Variants in PDE1C observed in about 807,000 individuals in gnomAD.
PDE1C encodes the protein phosphodiesterase 1C.
Under a neutral mutation model 93.1 loss-of-function variants are expected in PDE1C, and 62 were observed. The ratio of observed to expected loss-of-function variants is 0.67; its 90% CI spans 0.54 to 0.82. PDE1C has a LOEUF of 0.82. PDE1C is among the 40% of genes least tolerant of loss of function. The pLI, the probability that PDE1C is intolerant of heterozygous loss-of-function variation, is 0.00. For synonymous variants in PDE1C, 325 were observed against 310.1 expected (o/e 1.05, Z -0.50); for missense variants, 742 against 884.6 (o/e 0.84, Z 2.04).
intron 1 of PDE1C, among the ~76,000 whole-genome samples, chr7:32,332,418 A>G (rs745925643): frequency 3.7e-4 from 56 of 152,258 alleles, no homozygotes; most frequent in African/African-American, 1.3e-3. Context: ...TAACCCTCTC[A>G]TACATTATTT....
chr7:32,346,139 A>T (rs907138302), intron 1 of PDE1C, among the ~76,000 whole-genome samples: 2 of 152,246 alleles, frequency 1.3e-5, no homozygotes, highest in Non-Finnish European at 2.9e-5. Flanking sequence ...GGCCAACTTC[A>T]TGGCACACAA....
chr7:31,949,664 T>C (rs1435730619), intron 2 of PDE1C, among the ~76,000 whole-genome samples: 2 of 152,150 alleles, frequency 1.3e-5, no homozygotes, highest in African/African-American at 2.4e-5. Context: ...CAGAAATAGA[T>C]TGAATTAGAT....
intron 1 of PDE1C, among the ~76,000 whole-genome samples, chr7:32,062,901 A>AAT (rs1794974286): frequency 6.6e-6 from 1 of 152,130 alleles, no homozygotes; most frequent in African/African-American, 2.4e-5. Context: ...ATTACCTAAA[A>AAT]TGATCAATTT....
At chr7:31,978,635 C>A (rs979245901) in intron 2 of PDE1C, among the ~76,000 whole-genome samples, 2 of 152,178 alleles carry the variant, frequency 1.3e-5, no homozygotes, top group African/African-American at 4.8e-5. Flanking sequence ...CCAAGACCTT[C>A]ACAGCAACCT....
chr7:31,967,150 A>G (rs1810124973), intron 2 of PDE1C, among the ~76,000 whole-genome samples: 1 of 152,232 alleles, frequency 6.6e-6, no homozygotes. Flanking sequence ...AAAACCCTTC[A>G]AAAAATCAAT....
chr7:31,721,032 T>G, the PDE1C span, among the ~76,000 whole-genome samples: 34 of 152,314 alleles, frequency 2.2e-4, no homozygotes, highest in African/African-American at 7.9e-4. Flanking sequence ...CATGATTGTA[T>G]GTGTGTATGA....
At chr7:31,766,401 T>C (rs1047386042) in intron 17 of PDE1C, among the ~76,000 whole-genome samples, 1 of 151,958 alleles carries the variant, frequency 6.6e-6, no homozygotes, top group African/African-American at 2.4e-5. Flanking sequence ...AAAAAATCTT[T>C]AATATAAAAT....
At position 32,143,464 on chromosome 7, in the gene PDE1C, G is replaced by A. The variant is rs115950824; in HGVS notation, c.308+26321C>T. ...TATGCAGGACGCAGTGTCACTGACCGTGACTTTACGTGACTCAGATGGAAT... is the reference window on the plus strand; with the variant it reads ...TATGCAGGACGCAGTGTCACTGACCATGACTTTACGTGACTCAGATGGAAT... On this transcript the variant is annotated intron_variant, in intron 3 of 18. Coordinates refer to the PDE1C transcript ENST00000396193. 5.7e-3 allele frequency among the ~76,000 whole-genome samples: 863 copies of A among 152,070 alleles called. 7 individuals are homozygous for A. Among genetic ancestry groups the A allele is most frequent in the African/African-American group, 0.019 (781 of 41,498 alleles).
chr7:32,209,224 C>T (rs1415275906), intron 2 of PDE1C, among the ~76,000 whole-genome samples: 1 of 152,114 alleles, frequency 6.6e-6, no homozygotes, highest in South Asian at 2.1e-4. Flanking sequence ...CAGGTGATGT[C>T]GATTCTGCTG....
chr7:31,973,944 TTTTG>T (rs1407269515), intron 2 of PDE1C, among the ~76,000 whole-genome samples: 2 of 152,190 alleles, frequency 1.3e-5, no homozygotes, highest in Non-Finnish European at 1.5e-5. Flanking sequence ...TTCCAGATGT[TTTTG>T]TTTATTTTTG....
At chr7:32,184,463 T>C (rs1381675173) in intron 2 of PDE1C, among the ~76,000 whole-genome samples, 1 of 152,184 alleles carries the variant, frequency 6.6e-6, no homozygotes, top group Non-Finnish European at 1.5e-5. Context: ...TGGAATACTA[T>C]GCAGCCATAA....
At chr7:31,781,797 C>A (rs1783435000) in intron 16 of PDE1C, among the ~76,000 whole-genome samples, 1 of 150,970 alleles carries the variant, frequency 6.6e-6, no homozygotes, top group African/African-American at 2.4e-5. Flanking sequence ...AATACAACCA[C>A]CATCAATACT....
Position 32,025,974 on chromosome 7 carries a change from C to G in PDE1C, c.128+25580G>C, listed in dbSNP as rs545124132. 3.2e-4 allele frequency among the ~76,000 whole-genome samples: 48 copies of G among 152,230 alleles called. No homozygotes were observed. In the Middle Eastern group the frequency reaches 0.01, roughly 32 times the overall value. On this transcript the variant is annotated intron_variant, in intron 2 of 17. Transcript: ENST00000396191. ...TGCTCTGCTAATGAGGCCCCTCTAC[C>G]TGACAGCTGGTTACACAAGCTGCTA...
the PDE1C span, among the ~76,000 whole-genome samples, chr7:31,694,247 T>C: frequency 6.6e-6 from 1 of 152,130 alleles, no homozygotes; most frequent in Non-Finnish European, 1.5e-5. Context: ...TTTATGAAGA[T>C]GGGAAGCTTT....
At chr7:31,877,881 G>T in intron 5 of PDE1C, 89 bp downstream of exon 5, 1 of 781,798 alleles carries the variant, frequency 1.3e-6, no homozygotes, top group Non-Finnish European at 2.1e-6. Context: ...AAAAGTAACT[G>T]TAAATGAAAG....
At chr7:31,769,238 G>A (rs1795327644) in intron 17 of PDE1C, among the ~76,000 whole-genome samples, 1 of 152,102 alleles carries the variant, frequency 6.6e-6, no homozygotes, top group African/African-American at 2.4e-5. Context: ...CTTAGCATAT[G>A]GAAGATATTT....
intron 3 of PDE1C, among the ~76,000 whole-genome samples, chr7:31,879,504 C>T (rs1796993014): frequency 6.6e-6 from 1 of 152,038 alleles, no homozygotes; most frequent in Non-Finnish European, 1.5e-5. Flanking sequence ...CACAGGGAGC[C>T]TTGTATTATT....
intron 1 of PDE1C, among the ~76,000 whole-genome samples, chr7:32,420,817 T>A (rs1371089278): frequency 6.6e-6 from 1 of 152,168 alleles, no homozygotes; most frequent in East Asian, 1.9e-4. Context: ...ATCTGTTTCC[T>A]GTAAGATTTG....
intron 1 of PDE1C, among the ~76,000 whole-genome samples, chr7:32,224,287 C>T (rs544457939): frequency 5.9e-5 from 9 of 152,144 alleles, no homozygotes; most frequent in East Asian, 1.9e-4. Flanking sequence ...GCAGGAGGAT[C>T]GCTTGAACTC....
Sources: allele counts gnomAD v4.1 joint callset (sites outside exome capture counted in the v4.1 genomes callset), GRCh38; gene constraint gnomAD v4.1.1; transcripts MANE v1.5; gene names NCBI Gene and HGNC (gene_info 2026-07-23, HGNC 2026-07-21).